The following DTX3L variants were observed in gnomAD, a reference collection of about 807,000 sequenced individuals.
DTX3L encodes the protein E3 ubiquitin-protein ligase DTX3L.
In DTX3L, 34 loss-of-function variants were observed where a neutral mutation model predicts 60.9. That is an observed-to-expected ratio of 0.56 (90% CI 0.42 to 0.74). The LOEUF (loss-of-function observed/expected upper bound fraction) is 0.74, where lower values mean the gene tolerates loss of function less well. Among genes scored for constraint, DTX3L ranks in the 30% least tolerant of loss-of-function variants. DTX3L has a pLI of 0.00. For missense variants in DTX3L, 810 were observed against 874.0 expected, an observed-to-expected ratio of 0.93 and a Z score of 0.92; for synonymous variants, 290 against 316.6, an observed-to-expected ratio of 0.92 and a Z score of 0.89.
rs766908512 is a variant in DTX3L at position 122,570,554 on chromosome 3, A to C, written c.2035A>C (p.Arg679=). The C allele has an allele frequency of 2.2e-5, 36 of 1,614,194 alleles. No homozygotes were observed. Among genetic ancestry groups the C allele is most frequent in the Non-Finnish European group, 3.0e-5 (35 of 1,180,030 alleles). ...EGRKVLKLLY[R]AFDQKLIFTV... is the part of the protein sequence containing the mutation. Reference sequence around the variant, plus strand: ...AAGGAAGGTTTTGAAACTGCTTTATAGGGCCTTTGACCAAAAGCTGATTTT... The same window carrying C: ...AAGGAAGGTTTTGAAACTGCTTTATCGGGCCTTTGACCAAAAGCTGATTTT... The change falls in exon 4 of 5, where the codon AGG becomes CGG. Residue 679 remains arginine (R), a synonymous_variant. Coordinates refer to ENST00000296161, the MANE Select transcript of DTX3L (RefSeq NM_138287.3).
Position 122,571,782 on chromosome 3 carries a change from CA to C in DTX3L, c.*42del, listed in dbSNP as rs764779596. 5.1e-6 allele frequency: 8 copies of C among 1,561,056 alleles called. No homozygotes were observed. Among genetic ancestry groups the C allele is most frequent in the Middle Eastern group, 1.8e-4 (1 of 5,642 alleles). On this transcript the variant is annotated 3_prime_UTR_variant, in exon 5 of 5. Coordinates refer to ENST00000296161, the MANE Select transcript of DTX3L (RefSeq NM_138287.3). ...TGGAAGATGTCTTAAATCAAGCTTTCAAAAAAATATATTTTAGGAGGCTGAT... is the reference window on the plus strand; with the variant it reads ...TGGAAGATGTCTTAAATCAAGCTTTCAAAAAATATATTTTAGGAGGCTGAT...
chr3:122,570,689 A>G lies in DTX3L; in HGVS notation c.2153+17A>G. 1.2e-6 allele frequency: 2 copies of G among 1,613,026 alleles called. No homozygotes were observed. The highest frequency in any genetic ancestry group is 1.7e-6 in the Non-Finnish European group (2 of 1,178,990). On this transcript the variant is annotated intron_variant, in intron 4 of 4. Coordinates refer to ENST00000296161, the MANE Select transcript of DTX3L (RefSeq NM_138287.3). ...ACCAGAAATGTGAGATCCTTTTGGG[A>G]TGTAATGGCTGCTCAACAGAGTATA...
rs1012445916 is a variant in DTX3L, at chr3:122,573,634, C to T, written c.*1887C>T. 7 of 152,196 alleles carry T rather than the reference C, an allele frequency of 4.6e-5. No homozygotes were observed. The highest frequency in any genetic ancestry group is 2.6e-4 in the Admixed American group (4 of 15,280). 9.4% of individuals were successfully genotyped at this position (152,196 alleles called of 1,614,324 possible). On this transcript the variant is annotated 3_prime_UTR_variant, in exon 5 of 5. Transcript: ENST00000296161. ...GTGCCACGGTGCCTGACTTGAGTTT[C>T]TTATTCTAGAACACTTGGAGCCTGA...
rs144870756 is a variant in DTX3L, at chr3:122,570,599, G to A, written c.2080G>A (p.Val694Ile). 7.7e-5 allele frequency: 124 copies of A among 1,614,140 alleles called. No individual in the cohort carries two copies. Among genetic ancestry groups the A allele is most frequent in the Non-Finnish European group, 1.0e-4 (118 of 1,180,020 alleles). ...GATTTTTACAGTGGGGTACTCTCGC[G>A]TATTAGGAGTCTCAGATGTCATCAC... ...KLIFTVGYSR[V>I]LGVSDVITWN... Residue 694 changes from valine to isoleucine, a missense_variant, in exon 4 of 5, where the codon GTA becomes ATA. Physicochemically the swap from Val to Ile is conservative, Grantham distance 29. Transcript: ENST00000296161.
chr3:122,565,026 A>G (rs1449279933), intron 1 of DTX3L, among the ~76,000 whole-genome samples: 4 of 152,222 alleles, frequency 2.6e-5, no homozygotes, highest in Non-Finnish European at 5.9e-5. Flanking sequence ...GAGGATTACA[A>G]AAGTGATATA....
At position 122,569,657 on chromosome 3, in the gene DTX3L, G is replaced by T. The variant is rs767639378; in HGVS notation, c.1568G>T (p.Gly523Val). Residue 523 changes from glycine to valine, a missense_variant, in exon 3 of 5, where the codon GGT becomes GTT. By Grantham distance (109) the Gly-to-Val change is moderately radical. Coordinates refer to ENST00000296161, the MANE Select transcript of DTX3L (RefSeq NM_138287.3). Reference protein sequence around the residue: ...SSLAGKKLKEGHETPMDIDSD... With the variant: ...SSLAGKKLKEVHETPMDIDSD... ...TTGGCTGGAAAGAAATTGAAAGAGGGTCATGAAACACCGATGGACATTGAT... is the reference window on the plus strand; with the variant it reads ...TTGGCTGGAAAGAAATTGAAAGAGGTTCATGAAACACCGATGGACATTGAT... 3 of 1,614,142 alleles carry T rather than the reference G, an allele frequency of 1.9e-6. No individual in the cohort carries two copies. The highest frequency in any genetic ancestry group is 2.5e-6 in the Non-Finnish European group (3 of 1,180,022).
At chr3:122,566,168 A>T in intron 2 of DTX3L, 98 bp downstream of exon 2, 1 of 1,049,494 alleles carries the variant, frequency 9.5e-7, no homozygotes, top group Non-Finnish European at 1.4e-6. Flanking sequence ...GGGCACGTAC[A>T]TGGGAGCCAG....
chr3:122,571,539 T>A (rs951780195), intron 4 of DTX3L, 139 bp from the exon 5 acceptor site: 1 of 638,750 alleles, frequency 1.6e-6, no homozygotes, highest in Admixed American at 3.0e-5. Context: ...AATTTAAAAG[T>A]CATGATACGT....
Position 122,569,226 on chromosome 3 carries a change from G to A in DTX3L, c.1137G>A (p.Glu379=), listed in dbSNP as rs762381437. 3 of 1,614,076 alleles carry A rather than the reference G, an allele frequency of 1.9e-6. No individual in the cohort carries two copies. The highest frequency in any genetic ancestry group is 1.3e-5 in the African/African-American group (1 of 74,930). The change falls in exon 3 of 5, where the codon GAG becomes GAA. Residue 379 remains glutamate (E), a synonymous_variant. Coordinates refer to ENST00000296161, the MANE Select transcript of DTX3L (RefSeq NM_138287.3). ...FAANYMMNVI[E]VDSAHYKLLE... is the part of the protein sequence containing the mutation. ...CCAATTACATGATGAATGTAATTGA[G>A]GTTGATAGTGCCCACTATAAACTTT...
rs564817118 is a variant in DTX3L at position 122,565,839 on chromosome 3, G to T, written c.188-20G>T. The T allele has an allele frequency of 1.2e-6, 2 of 1,610,368 alleles. No individual in the cohort carries two copies. The highest frequency in any genetic ancestry group is 2.7e-5 in the African/African-American group (2 of 74,910). On this transcript the variant is annotated intron_variant, in intron 1 of 4. Transcript: ENST00000296161. ...CATTTTTATGTGTGTATATGTGTGT[G>T]TTTAATGTCTCCACTGAAGCTAAGG...
In DTX3L at chr3:122,565,906, G is replaced by A. The variant is rs748994219; in HGVS notation, c.235G>A (p.Glu79Lys). ...KKGEHQILVDEKPVPIFLVPT... is the reference protein window; with the variant it reads ...KKGEHQILVDKKPVPIFLVPT... The stretch of plus-strand genomic sequence containing the variant: ...AGGAGAGCACCAAATACTTGTTGAC[G>A]AAAAACCTGTGCCCATTTTCCTGGT... The change falls in exon 2 of 5, where the codon GAA becomes AAA. Residue 79 changes from glutamate (E) to lysine (K), a missense_variant. Transcript: ENST00000296161. 16 of 1,613,988 alleles carry A rather than the reference G, an allele frequency of 9.9e-6. No homozygotes were observed. The highest frequency in any genetic ancestry group is 2.2e-5 in the East Asian group (1 of 44,894).
chr3:122,572,514 C>T lies in DTX3L; in HGVS notation c.*767C>T, dbSNP rs1264026861. On this transcript the variant is annotated 3_prime_UTR_variant, in exon 5 of 5. Coordinates refer to ENST00000296161, the MANE Select transcript of DTX3L (RefSeq NM_138287.3). ...TAAAGACCCACATTCTGCTTTCTTACTCATGGTAAGAAAAGTGGCCATGAG... is the reference window on the plus strand; with the variant it reads ...TAAAGACCCACATTCTGCTTTCTTATTCATGGTAAGAAAAGTGGCCATGAG... The T allele has an allele frequency of 3.3e-5, 5 of 152,082 alleles. No homozygotes were observed. The highest frequency in any genetic ancestry group is 1.2e-4 in the African/African-American group (5 of 41,406). The allele number at this position is 152,082 out of a possible 1,614,324, so 9.4% of individuals were successfully genotyped here.
chr3:122,568,413 G>A (rs1423933364), intron 2 of DTX3L, 76 bp from the exon 3 acceptor site: 2 of 1,193,130 alleles, frequency 1.7e-6, no homozygotes, highest in Non-Finnish European at 2.3e-6. Context: ...TAGTCTCTAT[G>A]CATTCTCCTG....
intron 2 of DTX3L, among the ~76,000 whole-genome samples, chr3:122,566,407 C>T (rs1294864601): frequency 6.6e-6 from 1 of 152,146 alleles, no homozygotes; most frequent in Non-Finnish European, 1.5e-5. Context: ...CACTTTATCG[C>T]CCAGGCTGGA....
chr3:122,569,513 G>C lies in DTX3L; in HGVS notation c.1424G>C (p.Arg475Thr), dbSNP rs747719794. ...LHQTKFADDF[R>T]KRHPNVHFVL... The stretch of plus-strand genomic sequence containing the variant: ...CAGACCAAGTTTGCTGATGACTTTA[G>C]AAAAAGACATCCAAATGTACACTTT... Residue 475 changes from arginine (R) to threonine (T), a missense_variant, in exon 3 of 5, where the codon AGA (arginine) becomes ACA (threonine). Physicochemically the swap from Arg to Thr is moderately conservative, Grantham distance 71. Coordinates refer to ENST00000296161, the MANE Select transcript of DTX3L (RefSeq NM_138287.3). 2 of 1,614,184 alleles carry C rather than the reference G, an allele frequency of 1.2e-6. No individual in the cohort carries two copies. Among genetic ancestry groups the C allele is most frequent in the African/African-American group, 2.7e-5 (2 of 75,036 alleles).
In DTX3L at chr3:122,573,240, C is replaced by T. The variant is rs1453330617; in HGVS notation, c.*1493C>T. ...GGGAATCTGCCCCCATGACCCAGAC[C>T]CCTCCCGTTAGGCTTCACCTCCAAC... On this transcript the variant is annotated 3_prime_UTR_variant, in exon 5 of 5. Transcript: ENST00000296161. The T allele has an allele frequency of 6.6e-6, 1 of 152,154 alleles. No homozygotes were observed. Among genetic ancestry groups the T allele is most frequent in the Non-Finnish European group, 1.5e-5 (1 of 68,052 alleles). The allele number at this position is 152,154 out of a possible 1,614,324, so 9.4% of individuals were successfully genotyped here.
Position 122,567,807 on chromosome 3 carries a change from C to T in DTX3L, c.400-682C>T, listed in dbSNP as rs1308048595. Reference sequence around the variant, plus strand: ...CTTGACTGCTGTTCCCAAGATCAAACAGCTAGTGGCAGTTGTAGAACACGG... The same window carrying T: ...CTTGACTGCTGTTCCCAAGATCAAATAGCTAGTGGCAGTTGTAGAACACGG... On this transcript the variant is annotated intron_variant, in intron 2 of 4. Transcript: ENST00000296161. Among the ~76,000 whole-genome samples, 2 of 152,182 alleles carry T rather than the reference C, an allele frequency of 1.3e-5. 1 individual carries two copies. The highest frequency in any genetic ancestry group is 4.8e-5 in the African/African-American group (2 of 41,432).
At chr3:122,565,379 G>A (rs2080551672) in intron 1 of DTX3L, among the ~76,000 whole-genome samples, 1 of 151,930 alleles carries the variant, frequency 6.6e-6, no homozygotes, top group Admixed American at 6.6e-5. Context: ...GGGCATGGTG[G>A]TGCGCACCTG....
rs567136044 is a variant in DTX3L, at chr3:122,571,978, G to C, written c.*231G>C. Reference sequence around the variant, plus strand: ...CGCTGGAGTGCAGTGGCATGATCTCGGCTCACTGCAAGCTCCGCCTCCCAG... The same window carrying C: ...CGCTGGAGTGCAGTGGCATGATCTCCGCTCACTGCAAGCTCCGCCTCCCAG... On this transcript the variant is annotated 3_prime_UTR_variant, in exon 5 of 5. Coordinates refer to ENST00000296161, the MANE Select transcript of DTX3L (RefSeq NM_138287.3). 1 of 282,506 alleles carries C rather than the reference G, an allele frequency of 3.5e-6. No homozygotes were observed. The highest frequency in any genetic ancestry group is 4.4e-5 in the Admixed American group (1 of 22,696). The allele number at this position is 282,506 out of a possible 1,614,324, so 17.5% of individuals were successfully genotyped here.
Sources: allele counts gnomAD v4.1 joint callset (sites outside exome capture counted in the v4.1 genomes callset), GRCh38; gene constraint gnomAD v4.1.1; transcripts MANE v1.5; gene names NCBI Gene and HGNC (gene_info 2026-07-23, HGNC 2026-07-21).